The following TICAM1 variants were observed in gnomAD, a reference collection of about 807,000 sequenced individuals.
The protein encoded by TICAM1 is TIR domain-containing adapter molecule 1.
For synonymous variants in TICAM1, 439 were observed against 415.4 expected, an observed-to-expected ratio of 1.06 and a Z score of -0.69; for missense variants, 895 against 938.2, an observed-to-expected ratio of 0.95 and a Z score of 0.60.
chr19:4,819,181 G>C (rs1041660835), intron 1 of TICAM1, among the ~76,000 whole-genome samples: 4 of 151,906 alleles, frequency 2.6e-5, no homozygotes, highest in Non-Finnish European at 5.9e-5. Context: ...GGCTGAGATG[G>C]GAAGATCGCT....
At chr19:4,823,463 T>C (rs948342149) in intron 1 of TICAM1, among the ~76,000 whole-genome samples, 3 of 129,634 alleles carry the variant, frequency 2.3e-5, no homozygotes, top group African/African-American at 9.5e-5. Flanking sequence ...AGACTCTGTC[T>C]TAAAAAAAAA....
intron 1 of TICAM1, among the ~76,000 whole-genome samples, chr19:4,822,859 T>A (rs1054072593): frequency 6.6e-6 from 1 of 152,126 alleles, no homozygotes. Flanking sequence ...TTTTAATTAG[T>A]ATGGGGTATG....
rs1464927747 is a variant in TICAM1 at position 4,817,051 on chromosome 19, G to A, written c.1327C>T (p.Gln443Ter). The A allele has an allele frequency of 1.2e-5, 20 of 1,614,148 alleles. No homozygotes were observed. The highest frequency in any genetic ancestry group is 1.6e-5 in the Non-Finnish European group (19 of 1,180,022). ...VPGRGELSCL[Q>*]DAIDHSAFII... ...AAAGCTGAGTGGTCTATGGCGTCCT[G>A]CAGGCAGCTCAGCTCCCCGCGCCCC... Residue 443 changes from glutamine (Q) to a stop codon, truncating the protein, a stop_gained, in exon 2 of 2, where the codon CAG becomes TAG. Transcript: ENST00000248244. LOFTEE classifies it low-confidence loss of function (END_TRUNC). The surrounding 1 kb of genome is among the most constrained non-coding windows in gnomAD (Gnocchi z 4.7).
At position 4,818,201 on chromosome 19, in the gene TICAM1, G is replaced by C; in HGVS notation, c.177C>G (p.Ile59Met). The change falls in exon 2 of 2, where the codon ATC (isoleucine) becomes ATG (methionine). Residue 59 changes from isoleucine to methionine, a missense_variant. By Grantham distance (10) the Ile-to-Met change is conservative. Transcript: ENST00000248244. The surrounding 1 kb of genome is among the most constrained non-coding windows in gnomAD (Gnocchi z 4.0). ...LKLGQETEAR[I>M]SLEALKADAV... Reference sequence around the variant, plus strand: ...CATCGGCCTTCAATGCCTCTAGAGAGATCCTGGCCTCAGTTTCCTGGCCCA... The same window carrying C: ...CATCGGCCTTCAATGCCTCTAGAGACATCCTGGCCTCAGTTTCCTGGCCCA... The C allele has an allele frequency of 6.2e-7, 1 of 1,612,784 alleles. No individual in the cohort carries two copies. Among genetic ancestry groups the C allele is most frequent in the Non-Finnish European group, 8.5e-7 (1 of 1,179,934 alleles).
At chr19:4,820,352 G>A (rs1321322045) in intron 1 of TICAM1, among the ~76,000 whole-genome samples, 1 of 150,800 alleles carries the variant, frequency 6.6e-6, no homozygotes, top group Non-Finnish European at 1.5e-5. Flanking sequence ...CCTGGGAGGC[G>A]GAGGTTGCAG....
In TICAM1 at chr19:4,817,617, C is replaced by A. The variant is rs372593861; in HGVS notation, c.761G>T (p.Ser254Ile). Residue 254 changes from serine to isoleucine, a missense_variant, in exon 2 of 2, where the codon AGC (serine) becomes ATC (isoleucine). Physicochemically the swap from Ser to Ile is moderately radical, Grantham distance 142. Coordinates refer to ENST00000248244, the MANE Select transcript of TICAM1 (RefSeq NM_182919.4). The surrounding 1 kb of genome is among the most constrained non-coding windows in gnomAD (Gnocchi z 4.7). ...GGCAATCTCCCCCGATGGCGGCCAG[C>A]TCATCTCCTCAGGCTCCTGGCAGCC... ...PGGCQEPEEMSWPPSGEIASP... is the reference protein window; with the variant it reads ...PGGCQEPEEMIWPPSGEIASP... 3.8e-6 allele frequency: 6 copies of A among 1,595,262 alleles called. No homozygotes were observed. The East Asian group carries it at 1.3e-4, about 36-fold the overall frequency.
intron 1 of TICAM1, among the ~76,000 whole-genome samples, chr19:4,829,807 T>A (rs1228147510): frequency 7.7e-5 from 2 of 25,930 alleles, no homozygotes; most frequent in South Asian, 1.5e-3. Flanking sequence ...TTTCATTTCT[T>A]TTTTTTTTTT....
At chr19:4,823,040 C>A (rs1196669478) in intron 1 of TICAM1, among the ~76,000 whole-genome samples, 2 of 152,156 alleles carry the variant, frequency 1.3e-5, no homozygotes, top group Admixed American at 1.3e-4. Context: ...TTTTATTTGG[C>A]CGGGCCTGAC....
Position 4,817,311 on chromosome 19 carries a change from G to C in TICAM1, c.1067C>G (p.Pro356Arg), listed in dbSNP as rs1312255598. Residue 356 changes from proline to arginine, a missense_variant, in exon 2 of 2, where the codon CCA becomes CGA. Transcript: ENST00000248244. The surrounding 1 kb of genome is among the most constrained non-coding windows in gnomAD (Gnocchi z 4.7). ...TKPCPPTPTT[P>R]ETSPPPPPPP... ...AGGAGGAGGAGGAGGGGATGTTTCTGGGGTGGTGGGAGTAGGTGGGCACGG... is the reference window on the plus strand; with the variant it reads ...AGGAGGAGGAGGAGGGGATGTTTCTCGGGTGGTGGGAGTAGGTGGGCACGG... The C allele has an allele frequency of 6.2e-7, 1 of 1,613,798 alleles. No homozygotes were observed. Among genetic ancestry groups the C allele is most frequent in the Non-Finnish European group, 8.5e-7 (1 of 1,179,984 alleles).
chr19:4,817,418 C>T lies in TICAM1; in HGVS notation c.960G>A (p.Glu320=), dbSNP rs886926373. The change falls in exon 2 of 2, where the codon GAG becomes GAA. Residue 320 remains glutamate (E), a synonymous_variant. Transcript: ENST00000248244. The surrounding 1 kb of genome is among the most constrained non-coding windows in gnomAD (Gnocchi z 4.7). ...GPQSLPLPIL[E]PVKNPCSVKD... ...TGACAGAGCAGGGGTTTTTGACCGG[C>T]TCCAGAATAGGCAAGGGGAGAGACT... is the stretch of plus-strand genomic sequence containing the variant. The T allele has an allele frequency of 3.1e-6, 5 of 1,613,920 alleles. No individual in the cohort carries two copies. In the African/African-American group the frequency reaches 6.7e-5, roughly 22 times the overall value.
At chr19:4,831,414 G>A (rs572684824) in intron 1 of TICAM1, among the ~76,000 whole-genome samples, 200 bp downstream of exon 1, 78 of 152,018 alleles carry the variant, frequency 5.1e-4, no homozygotes, top group African/African-American at 1.8e-3. Flanking sequence ...GAGGATCTGG[G>A]CCACCAGCGC....
chr19:4,825,654 A>T (rs2093604377), intron 1 of TICAM1, among the ~76,000 whole-genome samples: 1 of 147,298 alleles, frequency 6.8e-6, no homozygotes, highest in Non-Finnish European at 1.5e-5. Context: ...AGTGAGACCC[A>T]TCTCTACAAA....
chr19:4,822,265 C>T lies in TICAM1; in HGVS notation c.-139-3749G>A, dbSNP rs1300197015. Reference sequence around the variant, plus strand: ...TTTTTAGTTTTGTCTTGTTTTGACACAGAGTCTCGCTCTGTCGCCCAGGCT... The same window carrying T: ...TTTTTAGTTTTGTCTTGTTTTGACATAGAGTCTCGCTCTGTCGCCCAGGCT... On this transcript the variant is annotated intron_variant, in intron 1 of 1. Coordinates refer to ENST00000248244, the MANE Select transcript of TICAM1 (RefSeq NM_182919.4). 2.7e-5 allele frequency among the ~76,000 whole-genome samples: 4 copies of T among 150,696 alleles called. No individual in the cohort carries two copies. The East Asian group carries it at 7.9e-4, about 30-fold the overall frequency.
chr19:4,817,781 G>T lies in TICAM1; in HGVS notation c.597C>A (p.Ser199Arg), dbSNP rs562147335. 1 of 1,602,016 alleles carries T rather than the reference G, an allele frequency of 6.2e-7. No homozygotes were observed. The highest frequency in any genetic ancestry group is 8.5e-7 in the Non-Finnish European group (1 of 1,176,856). ...SQGCSLRSTG[S>R]PASLASNLEI... ...CCAAGTTGCTGGCCAGGGAGGCAGG[G>T]CTGCCAGTGGATCGCAGGGAGCACC... Residue 199 changes from serine (S) to arginine (R), a missense_variant, in exon 2 of 2, where the codon AGC becomes AGA. Transcript: ENST00000248244. The surrounding 1 kb of genome is among the most constrained non-coding windows in gnomAD (Gnocchi z 4.7).
Position 4,821,687 on chromosome 19 carries a change from C to G in TICAM1, c.-139-3171G>C, listed in dbSNP as rs138766964. Among the ~76,000 whole-genome samples, 412 of 151,672 alleles carry G rather than the reference C, an allele frequency of 2.7e-3. 1 individual carries two copies. Among genetic ancestry groups the G allele is most frequent in the African/African-American group, 9.0e-3 (373 of 41,300 alleles). ...GAGACAGAGTCTCACTCTTGTTGCC[C>G]AGGCTGGAGTGCAATGGCACGATCT... On this transcript the variant is annotated intron_variant, in intron 1 of 1. Transcript: ENST00000248244.
chr19:4,823,965 T>C (rs969914850), intron 1 of TICAM1, among the ~76,000 whole-genome samples: 2 of 152,132 alleles, frequency 1.3e-5, no homozygotes, highest in African/African-American at 2.4e-5. Flanking sequence ...CTGTGTCTAC[T>C]GGGCACCTGA....
rs142768732 is a variant in TICAM1 at position 4,824,791 on chromosome 19, C to T, written c.-139-6275G>A. Among the ~76,000 whole-genome samples the T allele has an allele frequency of 3.0e-4, 46 of 151,814 alleles. 2 individuals are homozygous for T. In the East Asian group the frequency reaches 3.1e-3, roughly 10 times the overall value. ...CTACTAAAAATAGAAAAATTAGCCA[C>T]GTGTGGTGGCGGGTGCCTGTAGTCC... On this transcript the variant is annotated intron_variant, in intron 1 of 1. Coordinates refer to ENST00000248244, the MANE Select transcript of TICAM1 (RefSeq NM_182919.4).
chr19:4,824,053 A>T (rs2093602020), intron 1 of TICAM1, among the ~76,000 whole-genome samples: 1 of 151,892 alleles, frequency 6.6e-6, no homozygotes, highest in Admixed American at 6.6e-5. Context: ...CTGTCGCCCA[A>T]GCTGGAGTGC....
Position 4,818,575 on chromosome 19 carries a change from C to G in TICAM1, c.-139-59G>C, listed in dbSNP as rs1024719600. 1.7e-6 allele frequency: 2 copies of G among 1,195,124 alleles called. No individual in the cohort carries two copies. Among genetic ancestry groups the G allele is most frequent in the East Asian group, 5.9e-5 (2 of 34,146 alleles). 74.0% of individuals were successfully genotyped at this position (1,195,124 alleles called of 1,614,324 possible). The stretch of plus-strand genomic sequence containing the variant: ...CCCAAGAAAGGTCAGCACGGGAAGG[C>G]GGCCCACACACCCCCGCCTGCTTTC... On this transcript the variant is annotated intron_variant, in intron 1 of 1. Coordinates refer to ENST00000248244, the MANE Select transcript of TICAM1 (RefSeq NM_182919.4). This position sits in a 1 kb window ranked among gnomAD's most constrained non-coding sequence, Gnocchi z 4.0.
Sources: allele counts gnomAD v4.1 joint callset (sites outside exome capture counted in the v4.1 genomes callset), GRCh38; gene constraint gnomAD v4.1.1; non-coding constraint Gnocchi (gnomAD v3.1); transcripts MANE v1.5; gene names NCBI Gene and HGNC (gene_info 2026-07-23, HGNC 2026-07-21).